SH3BGRL: variants seen among roughly 807,000 people sequenced by gnomAD.
SH3BGRL encodes SH3 domain binding glutamate rich protein like, also known as adapter SH3BGRL.
A neutral mutation model predicts 9.8 loss-of-function variants in SH3BGRL; 7 were observed. That is an observed-to-expected ratio of 0.72 (90% CI 0.41 to 1.35). The LOEUF (loss-of-function observed/expected upper bound fraction) is 1.35. Among genes scored for constraint, SH3BGRL ranks in the 40% most tolerant of loss-of-function variants. The probability of loss-of-function intolerance (pLI) is 0.01; values close to 1 mark genes in which losing one functional copy is unlikely to be tolerated. For synonymous variants in SH3BGRL, 36 were observed against 29.1 expected, an observed-to-expected ratio of 1.24 and a Z score of -0.76; for missense variants, 73 against 84.4, an observed-to-expected ratio of 0.86 and a Z score of 0.53.
chrX:81,282,085 G>C (rs781024490), intron 3 of SH3BGRL, among the ~76,000 whole-genome samples: 1 of 111,972 alleles, frequency 8.9e-6, no homozygotes, highest in South Asian at 3.7e-4. Flanking sequence ...GAGACAAAGA[G>C]GGACATTATA....
chrX:81,229,799 T>TGG (rs1236385447), intron 1 of SH3BGRL, among the ~76,000 whole-genome samples: 1 of 111,673 alleles, frequency 9.0e-6, no homozygotes, highest in Non-Finnish European at 1.9e-5. Flanking sequence ...GGGCACAGGA[T>TGG]GGGGGCATGA....
chrX:81,273,487 TAA>T (rs1443065360), intron 1 of SH3BGRL, among the ~76,000 whole-genome samples: 1 of 112,271 alleles, frequency 8.9e-6, no homozygotes, highest in Admixed American at 9.5e-5. Context: ...GAGAGTCACT[TAA>T]GAGACACTCA....
At position 81,277,094 on chromosome X, in the gene SH3BGRL, T is replaced by C. The variant is rs1411981005; in HGVS notation, c.156T>C (p.Asn52=). Residue 52 remains asparagine, a synonymous_variant, in exon 2 of 4, where the codon AAT becomes AAC. Coordinates refer to ENST00000373212, the MANE Select transcript of SH3BGRL (RefSeq NM_003022.3). ...AGAATCGGAAGTGGATGAGAGAAAA[T>C]GTACCTGAAAATAGTCGACCAGCCA... is the stretch of plus-strand genomic sequence containing the variant. ...NEENRKWMRE[N]VPENSRPATG... is the part of the protein sequence containing the mutation. 5 of 1,207,434 alleles carry C rather than the reference T, an allele frequency of 4.1e-6. No individual in the cohort carries two copies. The highest frequency in any genetic ancestry group is 5.6e-6 in the Non-Finnish European group (5 of 893,747).
intron 1 of SH3BGRL, among the ~76,000 whole-genome samples, chrX:81,249,390 A>G (rs1427470612): frequency 8.9e-6 from 1 of 112,212 alleles, no homozygotes; most frequent in Non-Finnish European, 1.9e-5. Context: ...AGATTAAACA[A>G]TAATTTCTTA....
At chrX:81,267,448 G>A (rs890303284) in intron 1 of SH3BGRL, among the ~76,000 whole-genome samples, 10 of 111,893 alleles carry the variant, frequency 8.9e-5, no homozygotes, top group African/African-American at 3.3e-4. Flanking sequence ...GGCCTTTTCT[G>A]CATCTATTGA....
chrX:81,208,122 C>A (rs533658310), intron 1 of SH3BGRL, among the ~76,000 whole-genome samples: 1 of 110,494 alleles, frequency 9.1e-6, no homozygotes, highest in African/African-American at 3.3e-5. Context: ...AATAGCCGGG[C>A]GTGGTGGCGG....
chrX:81,246,293 T>C (rs2075688504), intron 1 of SH3BGRL, among the ~76,000 whole-genome samples: 1 of 112,168 alleles, frequency 8.9e-6, no homozygotes, highest in African/African-American at 3.2e-5. Context: ...TAGTTTCTTT[T>C]GCTGTGCAGA....
Position 81,212,737 on chromosome X carries a change from A to G in SH3BGRL, c.45+10492A>G, listed in dbSNP as rs1226619596. On this transcript the variant is annotated intron_variant, in intron 1 of 3. Coordinates refer to ENST00000373212, the MANE Select transcript of SH3BGRL (RefSeq NM_003022.3). ...ACTCGAGAAGTAAAGTACACATCCC[A>G]GGGGATCCTTATGCTGCCCAAATGC... 5.4e-5 allele frequency among the ~76,000 whole-genome samples: 6 copies of G among 111,506 alleles called. 1 individual carries two copies. The highest frequency in any genetic ancestry group is 7.5e-5 in the Non-Finnish European group (4 of 53,092).
At chrX:81,283,706 A>G (rs1399666820) in intron 3 of SH3BGRL, among the ~76,000 whole-genome samples, 2 of 111,629 alleles carry the variant, frequency 1.8e-5, no homozygotes, top group Non-Finnish European at 3.8e-5. Flanking sequence ...ACCCACAGCC[A>G]ACATAATACA....
chrX:81,208,539 T>C (rs1268697457), intron 1 of SH3BGRL, among the ~76,000 whole-genome samples: 5 of 112,334 alleles, frequency 4.5e-5, no homozygotes, highest in Admixed American at 9.4e-5. Context: ...GAATTTTGTA[T>C]TTCATTTCTT....
chrX:81,222,583 T>G (rs994318886), intron 1 of SH3BGRL, among the ~76,000 whole-genome samples: 8 of 110,950 alleles, frequency 7.2e-5, no homozygotes, highest in Middle Eastern at 4.6e-3. Flanking sequence ...TGTTAGACAT[T>G]TGGGTTGGTT....
intron 2 of SH3BGRL, 79 bp from the exon 3 acceptor site, chrX:81,278,252 T>A: frequency 1.4e-6 from 1 of 734,479 alleles, no homozygotes; most frequent in Non-Finnish European, 2.0e-6. Flanking sequence ...CGTGAGCCAC[T>A]GCTTTCGGCT....
intron 1 of SH3BGRL, among the ~76,000 whole-genome samples, chrX:81,241,745 C>T (rs1722268983): frequency 8.9e-6 from 1 of 112,298 alleles, no homozygotes. Flanking sequence ...GTGACATCCT[C>T]TTTGGGGCTC....
intron 1 of SH3BGRL, among the ~76,000 whole-genome samples, chrX:81,211,112 A>C (rs2075561746): frequency 8.9e-6 from 1 of 112,199 alleles, no homozygotes; most frequent in African/African-American, 3.2e-5. Flanking sequence ...GTAGGTCATA[A>C]AACTTTCTTT....
chrX:81,285,513 G>A (rs1001094160), intron 3 of SH3BGRL, among the ~76,000 whole-genome samples: 4 of 111,512 alleles, frequency 3.6e-5, no homozygotes, highest in African/African-American at 9.7e-5. Flanking sequence ...AATCCTATAC[G>A]TGGAAAAAGC....
chrX:81,248,499 C>T (rs1391574680), intron 1 of SH3BGRL, among the ~76,000 whole-genome samples: 4 of 112,230 alleles, frequency 3.6e-5, no homozygotes, highest in Admixed American at 1.9e-4. Context: ...TAGCAGCTCT[C>T]TTCCCTACCC....
In SH3BGRL at chrX:81,202,122, C is replaced by T. The variant is rs745638297; in HGVS notation, c.-79C>T. 8.8e-6 allele frequency: 9 copies of T among 1,022,654 alleles called. No individual in the cohort carries two copies. The East Asian group carries it at 1.9e-4, about 21-fold the overall frequency. 84.3% of individuals were successfully genotyped at this position (1,022,654 alleles called of 1,213,427 possible). On this transcript the variant is annotated 5_prime_UTR_variant, in exon 1 of 4. Coordinates refer to ENST00000373212, the MANE Select transcript of SH3BGRL (RefSeq NM_003022.3). ...TCTCTGCCAACCGCTGTTTCAGCCC[C>T]TAGCTGGATTCCAGCCATTGCTGCA...
rs192531511 is a variant in SH3BGRL, at chrX:81,278,283, T to C, written c.232-48T>C. 2.1e-4 allele frequency: 200 copies of C among 945,510 alleles called. 1 individual carries two copies. The highest frequency in any genetic ancestry group is 4.3e-5 in the Non-Finnish European group (29 of 670,409). The allele number at this position is 945,510 out of a possible 1,213,427, so 77.9% of individuals were successfully genotyped here. On this transcript the variant is annotated intron_variant, in intron 2 of 3. Transcript: ENST00000373212. ...CGGCTGAATAAATTTCCTTTTTTTCTTTTATTGGTTGCATATTGCTAATTC... is the reference window on the plus strand; with the variant it reads ...CGGCTGAATAAATTTCCTTTTTTTCCTTTATTGGTTGCATATTGCTAATTC...
chrX:81,213,597 G>GT (rs1322202864), intron 1 of SH3BGRL, among the ~76,000 whole-genome samples: 132 of 106,644 alleles, frequency 1.2e-3, no homozygotes, highest in East Asian at 3.2e-3. Context: ...TATTGTTACA[G>GT]TTTTTTTTTT....
Sources: gnomAD v4.1 joint callset for allele counts (sites outside exome capture counted in the v4.1 genomes callset) on GRCh38, gnomAD v4.1.1 for gene constraint, MANE v1.5 for transcripts, NCBI Gene and HGNC (gene_info 2026-07-23, HGNC 2026-07-21) for gene names.